TBC1D5: variants seen among roughly 807,000 people sequenced by gnomAD.
The protein encoded by TBC1D5 is TBC1 domain family member 5.
TBC1D5 carries 75 observed loss-of-function variants against 100.3 expected under a neutral mutation model. That is an observed-to-expected ratio of 0.75 (90% CI 0.62 to 0.91). TBC1D5 has a LOEUF of 0.91. TBC1D5 is among the 40% of genes least tolerant of loss of function. The pLI, the probability that TBC1D5 is intolerant of heterozygous loss-of-function variation, is 0.00. For missense variants in TBC1D5, 910 were observed against 942.4 expected, an observed-to-expected ratio of 0.97 and a Z score of 0.45; for synonymous variants, 323 against 325.6, an observed-to-expected ratio of 0.99 and a Z score of 0.09.
chr3:17,667,899 T>C (rs1208919817), intron 1 of TBC1D5, among the ~76,000 whole-genome samples: 1 of 151,998 alleles, frequency 6.6e-6, no homozygotes, highest in East Asian at 1.9e-4. Flanking sequence ...AAATGATACA[T>C]GTTGTCTCCA....
At chr3:17,379,335 T>A (rs1440470953) in intron 9 of TBC1D5, among the ~76,000 whole-genome samples, 1 of 152,028 alleles carries the variant, frequency 6.6e-6, no homozygotes, top group Non-Finnish European at 1.5e-5. Context: ...GGGATGCCCT[T>A]TTGAAAGAAA....
chr3:17,328,248 T>A (rs1274727508), intron 13 of TBC1D5, among the ~76,000 whole-genome samples: 1 of 151,540 alleles, frequency 6.6e-6, no homozygotes, highest in East Asian at 1.9e-4. Context: ...CCAGCCTGAG[T>A]GACAGAGGAG....
intron 1 of TBC1D5, among the ~76,000 whole-genome samples, chr3:17,697,911 T>A (rs1025979435): frequency 2.0e-5 from 3 of 147,728 alleles, no homozygotes; most frequent in Non-Finnish European, 4.5e-5. Flanking sequence ...AACAGAGATA[T>A]AAACCAATGG....
At chr3:17,402,563 A>C (rs1033272095) in intron 8 of TBC1D5, among the ~76,000 whole-genome samples, 2 of 152,096 alleles carry the variant, frequency 1.3e-5, no homozygotes, top group Admixed American at 1.3e-4. Context: ...TGTTGAAGTA[A>C]TTTTCCCACA....
At chr3:17,547,443 T>G (rs1251489494) in intron 2 of TBC1D5, among the ~76,000 whole-genome samples, 1 of 152,148 alleles carries the variant, frequency 6.6e-6, no homozygotes, top group African/African-American at 2.4e-5. Flanking sequence ...TTAAAGCATC[T>G]CAGAGAATAA....
chr3:17,301,175 A>G, intron 14 of TBC1D5, among the ~76,000 whole-genome samples: 1 of 152,136 alleles, frequency 6.6e-6, no homozygotes, highest in East Asian at 1.9e-4. Context: ...AATAGAGACA[A>G]TTTTTTATAG....
chr3:17,561,059 G>A (rs958658069), intron 2 of TBC1D5, among the ~76,000 whole-genome samples: 6 of 152,276 alleles, frequency 3.9e-5, no homozygotes, highest in African/African-American at 1.4e-4. Flanking sequence ...AGTTACTTTT[G>A]GAGGGAAAAA....
intron 8 of TBC1D5, among the ~76,000 whole-genome samples, chr3:17,389,035 T>C (rs944473230): frequency 9.2e-5 from 14 of 152,184 alleles, no homozygotes; most frequent in Non-Finnish European, 1.9e-4. Context: ...TGTCAGTACA[T>C]TGCAATTTGT....
intron 15 of TBC1D5, among the ~76,000 whole-genome samples, chr3:17,282,358 A>G (rs2080702666): frequency 6.6e-6 from 1 of 152,226 alleles, no homozygotes; most frequent in African/African-American, 2.4e-5. Flanking sequence ...TAAAGTGTTA[A>G]GTAGTCTATT....
intron 2 of TBC1D5, among the ~76,000 whole-genome samples, chr3:17,547,377 C>T (rs892980552): frequency 2.0e-5 from 3 of 152,228 alleles, no homozygotes; most frequent in Middle Eastern, 6.8e-3. Context: ...TAAAGCCCTC[C>T]TTACCTCCTA....
chr3:17,428,428 T>C (rs1198436074), intron 4 of TBC1D5, 22 bp downstream of exon 4: 12 of 651,660 alleles, frequency 1.8e-5, no homozygotes, highest in Non-Finnish European at 2.7e-5. Flanking sequence ...TATATATATA[T>C]ATATATGTAT....
intron 21 of TBC1D5, among the ~76,000 whole-genome samples, chr3:17,162,502 C>T (rs1245993761): frequency 6.6e-6 from 1 of 152,236 alleles, no homozygotes. Context: ...TTAGGATATT[C>T]AGTCAGAGAA....
At chr3:17,603,593 G>A (rs758802620) in intron 2 of TBC1D5, among the ~76,000 whole-genome samples, 6 of 152,022 alleles carry the variant, frequency 3.9e-5, no homozygotes, top group East Asian at 1.9e-4. Context: ...GCATATGATC[G>A]AGAAACAACC....
At chr3:17,513,303 G>C (rs559409261) in intron 2 of TBC1D5, among the ~76,000 whole-genome samples, 2 of 151,358 alleles carry the variant, frequency 1.3e-5, no homozygotes, top group African/African-American at 4.9e-5. Flanking sequence ...CTGCACTCCA[G>C]CCTGGGCGAC....
intron 15 of TBC1D5, among the ~76,000 whole-genome samples, chr3:17,289,694 G>A (rs1255427806): frequency 2.6e-5 from 4 of 151,046 alleles, no homozygotes; most frequent in African/African-American, 7.3e-5. Flanking sequence ...CAGGTCATCA[G>A]AGACAATTTA....
intron 19 of TBC1D5, among the ~76,000 whole-genome samples, chr3:17,175,312 A>G (rs1311592368): frequency 1.3e-5 from 2 of 151,668 alleles, no homozygotes; most frequent in Non-Finnish European, 2.9e-5. Context: ...TGAGGCCAAT[A>G]GTTCTCTTAA....
At chr3:17,270,116 T>C (rs1318182362) in intron 15 of TBC1D5, among the ~76,000 whole-genome samples, 1 of 152,172 alleles carries the variant, frequency 6.6e-6, no homozygotes, top group Non-Finnish European at 1.5e-5. Flanking sequence ...CCATCAACAA[T>C]GTGTAAGAGT....
chr3:17,475,557 AGTTT>A (rs1395947108), intron 3 of TBC1D5, among the ~76,000 whole-genome samples: 3 of 152,074 alleles, frequency 2.0e-5, no homozygotes, highest in African/African-American at 7.2e-5. Context: ...ATCAACAAGT[AGTTT>A]TCTCTACCCT....
At chr3:17,160,302 C>G (rs2065921124) in exon 22 of TBC1D5, 1 of 152,064 alleles carries the variant, frequency 6.6e-6, no homozygotes, top group Admixed American at 6.5e-5. Context: ...TATATCACAC[C>G]TAAATATTAT....
Sources: gnomAD v4.1 joint callset for allele counts (sites outside exome capture counted in the v4.1 genomes callset) on GRCh38, gnomAD v4.1.1 for gene constraint, MANE v1.5 for transcripts, NCBI Gene and HGNC (gene_info 2026-07-23, HGNC 2026-07-21) for gene names.